NHSL2: variants seen among roughly 807,000 people sequenced by gnomAD.
The protein encoded by NHSL2 is NHS-like protein 2.
A neutral mutation model predicts 53.4 loss-of-function variants in NHSL2; 27 were observed. The ratio of observed to expected loss-of-function variants is 0.51; its 90% CI spans 0.37 to 0.70. NHSL2 has a LOEUF of 0.70. Ranked by LOEUF, NHSL2 falls within the 30% of genes least tolerant of loss-of-function variation. The probability of loss-of-function intolerance (pLI) is 0.00; values close to 1 mark genes in which losing one functional copy is unlikely to be tolerated. For synonymous variants in NHSL2, 408 were observed against 404.1 expected (o/e 1.01, Z -0.12); for missense variants, 892 against 980.1 (o/e 0.91, Z 1.20).
In NHSL2 at chrX:71,976,643, G is replaced by A. The variant is rs139158017; in HGVS notation, c.280+65276G>A. On this transcript the variant is annotated intron_variant, in intron 1 of 7. Transcript: ENST00000633930. The stretch of plus-strand genomic sequence containing the variant: ...TTCATCCCCCGCAGTAACCTGTGAG[G>A]CAGCTGCTATGATTATCCTCATTTC... Among the ~76,000 whole-genome samples the A allele has an allele frequency of 6.6e-4, 74 of 111,874 alleles. No individual in the cohort carries two copies. The East Asian group carries it at 0.018, about 28-fold the overall frequency.
At chrX:72,134,030 C>T (rs2042332295) in intron 2 of NHSL2, 61 bp from the exon 3 acceptor site, 1 of 1,127,930 alleles carries the variant, frequency 8.9e-7, no homozygotes. Context: ...ATGGCCCTTC[C>T]CCGGCCCAGC....
chrX:72,011,407 C>T (rs1008122416), intron 1 of NHSL2, among the ~76,000 whole-genome samples: 2 of 112,520 alleles, frequency 1.8e-5, no homozygotes, highest in African/African-American at 6.5e-5. Flanking sequence ...TGCGGTGGCT[C>T]ACACCTGTAA....
At position 72,134,229 on chromosome X, in the gene NHSL2, T is replaced by C; in HGVS notation, c.564+11T>C. On this transcript the variant is annotated intron_variant, in intron 3 of 7. Coordinates refer to ENST00000633930, the MANE Select transcript of NHSL2 (RefSeq NM_001013627.3). Reference sequence around the variant, plus strand: ...GAGTTTATATTGATGGTGAGTTGCCTCATCCCCCACCTGGGAGAGCCAGCA... The same window carrying C: ...GAGTTTATATTGATGGTGAGTTGCCCCATCCCCCACCTGGGAGAGCCAGCA... 2 of 1,162,538 alleles carry C rather than the reference T, an allele frequency of 1.7e-6. No individual in the cohort carries two copies. Among genetic ancestry groups the C allele is most frequent in the Non-Finnish European group, 2.3e-6 (2 of 869,335 alleles).
chrX:71,972,866 T>TTGTGTGTG (rs372160139), intron 1 of NHSL2, among the ~76,000 whole-genome samples: 8,520 of 93,676 alleles, frequency 0.091, 569 homozygotes, highest in African/African-American at 0.2. Flanking sequence ...ATCTTTATTG[T>TTGTGTGTG]TGTGTGTGTG....
intron 1 of NHSL2, among the ~76,000 whole-genome samples, chrX:72,095,227 G>A (rs2041934424): frequency 8.9e-6 from 1 of 112,521 alleles, no homozygotes; most frequent in African/African-American, 3.2e-5. Flanking sequence ...GGAAAGATAA[G>A]AGCAAGTAAG....
At chrX:71,994,300 G>GTA (rs1455512274) in intron 1 of NHSL2, among the ~76,000 whole-genome samples, 1 of 102,508 alleles carries the variant, frequency 9.8e-6, no homozygotes, top group African/African-American at 3.6e-5. Flanking sequence ...GGCTCCCTCT[G>GTA]TGTGTGTGTG....
At chrX:71,912,767 A>G (rs1052320394) in intron 1 of NHSL2, among the ~76,000 whole-genome samples, 1 of 112,288 alleles carries the variant, frequency 8.9e-6, no homozygotes, top group Admixed American at 9.4e-5. Context: ...GGATTAGTCT[A>G]GGAGAAATTT....
intron 1 of NHSL2, among the ~76,000 whole-genome samples, chrX:71,958,017 C>T (rs2041850752): frequency 9.2e-6 from 1 of 108,848 alleles, no homozygotes; most frequent in Admixed American, 9.9e-5. Context: ...AGAAAACTTC[C>T]TGCTTGAGGT....
In NHSL2 at chrX:72,151,418, C is replaced by G. The variant is rs751007475; in HGVS notation, c.*7844C>G. ...GAGACAAGCATTTCTGTGAGCTGCC[C>G]CATGTGATAACTGAGTTGTGCAGTA... On this transcript the variant is annotated 3_prime_UTR_variant, in exon 8 of 8. Transcript: ENST00000633930. The G allele has an allele frequency of 8.9e-6, 1 of 111,839 alleles. No individual in the cohort carries two copies. The highest frequency in any genetic ancestry group is 1.9e-5 in the Non-Finnish European group (1 of 53,118). The allele number at this position is 111,839 out of a possible 1,213,427, so 9.2% of individuals were successfully genotyped here.
chrX:72,015,142 A>G (rs1272360401), intron 1 of NHSL2, among the ~76,000 whole-genome samples: 2 of 111,354 alleles, frequency 1.8e-5, no homozygotes, highest in Admixed American at 1.9e-4. Context: ...AGGCAAAACA[A>G]AAATCCAGGG....
chrX:71,921,186 G>T (rs1433271771), intron 1 of NHSL2, among the ~76,000 whole-genome samples: 1 of 109,426 alleles, frequency 9.1e-6, no homozygotes, highest in Non-Finnish European at 1.9e-5. Context: ...GGGAGGCCGA[G>T]GCTGGTGGAT....
At chrX:72,095,370 C>CAAGA (rs1403464243) in intron 1 of NHSL2, among the ~76,000 whole-genome samples, 1 of 112,348 alleles carries the variant, frequency 8.9e-6, no homozygotes, top group African/African-American at 3.2e-5. Context: ...CAGAATTTGC[C>CAAGA]AAGAAGTGCC....
At chrX:72,058,133 A>G (rs2042379644) in intron 1 of NHSL2, among the ~76,000 whole-genome samples, 1 of 112,022 alleles carries the variant, frequency 8.9e-6, no homozygotes, top group Non-Finnish European at 1.9e-5. Context: ...ACTTGAAAGA[A>G]CAATTGACAG....
intron 1 of NHSL2, among the ~76,000 whole-genome samples, chrX:72,095,346 C>A (rs921556837): frequency 3.6e-5 from 4 of 112,230 alleles, no homozygotes; most frequent in African/African-American, 1.3e-4. Flanking sequence ...TGTGATAGAC[C>A]AAGGTGTCTG....
At chrX:72,044,632 G>A (rs879169252) in intron 1 of NHSL2, 101 of 1,154,469 alleles carry the variant, frequency 8.7e-5, no homozygotes, top group East Asian at 3.6e-4. Context: ...TGTCCGATGC[G>A]TGCCCACAGA....
chrX:71,975,511 C>A lies in NHSL2; in HGVS notation c.280+64144C>A, dbSNP rs143998951. On this transcript the variant is annotated intron_variant, in intron 1 of 7. Coordinates refer to ENST00000633930, the MANE Select transcript of NHSL2 (RefSeq NM_001013627.3). Reference sequence around the variant, plus strand: ...CAATTGCTTCTCTAAAGAGCCTATACCCCGTGATACCCTCCTTTCCTTGAC... The same window carrying A: ...CAATTGCTTCTCTAAAGAGCCTATAACCCGTGATACCCTCCTTTCCTTGAC... Among the ~76,000 whole-genome samples, 244 of 111,222 alleles carry A rather than the reference C, an allele frequency of 2.2e-3. 1 individual carries two copies. Among genetic ancestry groups the A allele is most frequent in the Middle Eastern group, 4.6e-3 (1 of 217 alleles).
intron 1 of NHSL2, among the ~76,000 whole-genome samples, chrX:71,929,657 C>G (rs917170353): frequency 9.0e-6 from 1 of 111,537 alleles, no homozygotes; most frequent in Non-Finnish European, 1.9e-5. Context: ...GCTTGAGTGC[C>G]CTGAAACTCT....
intron 1 of NHSL2, among the ~76,000 whole-genome samples, chrX:71,972,866 T>TTGTGTGTGTG (rs372160139): frequency 0.022 from 2,068 of 93,771 alleles, 67 homozygotes; most frequent in African/African-American, 0.071. Flanking sequence ...ATCTTTATTG[T>TTGTGTGTGTG]TGTGTGTGTG....
chrX:71,949,943 A>G (rs932084493), intron 1 of NHSL2, among the ~76,000 whole-genome samples: 1 of 113,174 alleles, frequency 8.8e-6, no homozygotes, highest in South Asian at 3.6e-4. Context: ...CCCCCTGGCC[A>G]GCTGTATGAC....
Sources: gnomAD v4.1 joint callset for allele counts (sites outside exome capture counted in the v4.1 genomes callset) on GRCh38, gnomAD v4.1.1 for gene constraint, MANE v1.5 for transcripts, NCBI Gene and HGNC (gene_info 2026-07-23, HGNC 2026-07-21) for gene names.